TSC22D3: variants seen among roughly 807,000 people sequenced by gnomAD.
TSC22D3 encodes the protein TSC22 domain family protein 3.
In TSC22D3, 4 loss-of-function variants were observed where a neutral mutation model predicts 11.1. The ratio of observed to expected loss-of-function variants is 0.36; its 90% CI spans 0.18 to 0.83. TSC22D3 has a LOEUF of 0.83. Among genes scored for constraint, TSC22D3 ranks in the 40% least tolerant of loss-of-function variants. The probability of loss-of-function intolerance (pLI) is 0.48; values close to 1 mark genes in which losing one functional copy is unlikely to be tolerated. For missense variants in TSC22D3, 118 were observed against 159.4 expected (o/e 0.74, Z 1.40); for synonymous variants, 77 against 70.3 (o/e 1.10, Z -0.48).
intron 1 of TSC22D3, among the ~76,000 whole-genome samples, chrX:107,754,198 G>A (rs778286487): frequency 2.7e-5 from 3 of 111,066 alleles, no homozygotes; most frequent in East Asian, 2.8e-4. Context: ...GATTACAAGC[G>A]TGAGCCACCG....
At chrX:107,774,282 T>C (rs759658889) in intron 1 of TSC22D3, among the ~76,000 whole-genome samples, 5 of 111,800 alleles carry the variant, frequency 4.5e-5, no homozygotes, top group Non-Finnish European at 9.4e-5. Context: ...TGTCTCAAAC[T>C]GAAGGACAGC....
In TSC22D3 at chrX:107,720,316, G is replaced by A. The variant is rs190156924; in HGVS notation, c.321-4366C>T. 5.4e-5 allele frequency among the ~76,000 whole-genome samples: 6 copies of A among 111,746 alleles called. No individual in the cohort carries two copies. In the East Asian group the frequency reaches 1.7e-3, roughly 31 times the overall value. ...AGATGTGATCACCCTGAGACCTTAT[G>A]ATCCTCCATTAGGAAAGAATGAATG... On this transcript the variant is annotated intron_variant, in intron 1 of 2. Transcript: ENST00000372383.
chrX:107,714,826 G>T, intron 2 of TSC22D3, 77 bp from the exon 3 acceptor site: 1 of 1,005,781 alleles, frequency 9.9e-7, no homozygotes, highest in East Asian at 3.0e-5. Flanking sequence ...TCTGTCATTG[G>T]TGTGCCTGTG....
chrX:107,763,292 C>A (rs1280013075), intron 1 of TSC22D3, among the ~76,000 whole-genome samples: 2 of 111,554 alleles, frequency 1.8e-5, no homozygotes, highest in Admixed American at 1.9e-4. Flanking sequence ...TCATGTTTGC[C>A]TCCTGTTGGC....
intron 1 of TSC22D3, among the ~76,000 whole-genome samples, chrX:107,735,777 A>G (rs1475980860): frequency 9.3e-6 from 1 of 107,491 alleles, no homozygotes; most frequent in Non-Finnish European, 1.9e-5. Context: ...CACTCCTGAC[A>G]TAAGTAGCTG....
At chrX:107,752,853 C>A (rs1316729940) in intron 1 of TSC22D3, among the ~76,000 whole-genome samples, 1 of 111,742 alleles carries the variant, frequency 8.9e-6, no homozygotes, top group East Asian at 2.8e-4. Context: ...CCAGGCTCAG[C>A]AAGAGATCCC....
At chrX:107,722,370 ATC>A (rs1927379291) in intron 1 of TSC22D3, 1 of 113,221 alleles carries the variant, frequency 8.8e-6, no homozygotes, top group Non-Finnish European at 1.9e-5. Context: ...ATCACAAACA[ATC>A]TCTGAGTGAC....
At chrX:107,717,015 T>G in intron 1 of TSC22D3, 1 of 1,019,824 alleles carries the variant, frequency 9.8e-7, no homozygotes, top group Non-Finnish European at 1.2e-6. Context: ...TCGAGGGGTG[T>G]CACCTCGTAT....
intron 1 of TSC22D3, among the ~76,000 whole-genome samples, chrX:107,732,053 C>T (rs1927910106): frequency 9.0e-6 from 1 of 111,457 alleles, no homozygotes; most frequent in Admixed American, 9.4e-5. Flanking sequence ...TGGAATGGGG[C>T]CCAGAGCTCT....
chrX:107,724,177 C>T (rs995779761), intron 1 of TSC22D3, among the ~76,000 whole-genome samples: 6 of 112,697 alleles, frequency 5.3e-5, no homozygotes, highest in African/African-American at 1.9e-4. Flanking sequence ...CCAACCGCTG[C>T]CTCCCACCTT....
intron 1 of TSC22D3, among the ~76,000 whole-genome samples, chrX:107,743,008 C>A (rs1258842608): frequency 9.0e-6 from 1 of 111,592 alleles, no homozygotes; most frequent in African/African-American, 3.3e-5. Context: ...GCCCTGTGGC[C>A]GGGTGGGAAA....
chrX:107,770,048 A>C (rs367727175), intron 1 of TSC22D3, among the ~76,000 whole-genome samples: 17 of 112,554 alleles, frequency 1.5e-4, no homozygotes, highest in African/African-American at 3.9e-4. Flanking sequence ...TTGATACCAA[A>C]AGCAAAAATC....
intron 2 of TSC22D3, 46 bp from the exon 3 acceptor site, chrX:107,714,795 G>A: frequency 8.7e-7 from 1 of 1,142,932 alleles, no homozygotes; most frequent in Middle Eastern, 2.4e-4. Flanking sequence ...AGCCATCGTG[G>A]CCCCTCTGCA....
chrX:107,717,425 C>G (rs1025402433), intron 1 of TSC22D3, among the ~76,000 whole-genome samples: 1 of 112,609 alleles, frequency 8.9e-6, no homozygotes, highest in Non-Finnish European at 1.9e-5. Context: ...ATGTCATACT[C>G]CCTGGACACG....
rs1385139240 is a variant in TSC22D3 at position 107,714,578 on chromosome X, C to G, written c.544G>C (p.Glu182Gln). Residue 182 changes from glutamate to glutamine, a missense_variant, in exon 3 of 3, where the codon GAA (glutamate) becomes CAA (glutamine). Transcript: ENST00000372383. ...TGTGGGGATTCGGGAGCTGGCTCTT[C>G]AGGGCTCAGACAGGACTGGAACTTC... ...LEKFQSCLSP[E>Q]EPAPESPQVP... 1 of 1,209,969 alleles carries G rather than the reference C, an allele frequency of 8.3e-7. No individual in the cohort carries two copies. The highest frequency in any genetic ancestry group is 1.8e-5 in the African/African-American group (1 of 57,063).
chrX:107,713,688 C>T lies in TSC22D3; in HGVS notation c.*831G>A, dbSNP rs1400543255. On this transcript the variant is annotated 3_prime_UTR_variant, in exon 3 of 3. Transcript: ENST00000372383. ...TGGCCCCCCTCCTTGCCTTTACTCT[C>T]GAGTCTTACTTAACCTAAAAGACAA... 2.7e-5 allele frequency: 3 copies of T among 111,616 alleles called. No homozygotes were observed. The highest frequency in any genetic ancestry group is 1.9e-4 in the Admixed American group (2 of 10,490). 9.2% of individuals were successfully genotyped at this position (111,616 alleles called of 1,213,427 possible).
intron 1 of TSC22D3, among the ~76,000 whole-genome samples, chrX:107,771,391 C>T (rs1306344770): frequency 8.9e-6 from 1 of 111,814 alleles, no homozygotes; most frequent in South Asian, 3.7e-4. Context: ...TCGAGACCAG[C>T]CTGACTAATA....
Position 107,714,388 on chromosome X carries a change from C to A in TSC22D3, c.*131G>T. The stretch of plus-strand genomic sequence containing the variant: ...GACCCAGGTGGCCATGTCCTTAGGA[C>A]ATCTCTTGGCACCAGCTGTGCTAGG... On this transcript the variant is annotated 3_prime_UTR_variant, in exon 3 of 3. Coordinates refer to ENST00000372383, the MANE Select transcript of TSC22D3 (RefSeq NM_198057.3). The A allele has an allele frequency of 3.4e-6, 2 of 582,856 alleles. No individual in the cohort carries two copies. Among genetic ancestry groups the A allele is most frequent in the Non-Finnish European group, 2.6e-6 (1 of 379,242 alleles). The allele number at this position is 582,856 out of a possible 1,213,427, so 48.0% of individuals were successfully genotyped here.
chrX:107,759,987 C>T (rs145060365), intron 1 of TSC22D3, among the ~76,000 whole-genome samples: 1,698 of 112,594 alleles, frequency 0.015, 27 homozygotes, highest in African/African-American at 0.052. Context: ...GCAAGTGCTG[C>T]CCTCGGGATC....
Sources: gnomAD v4.1 joint callset for allele counts (sites outside exome capture counted in the v4.1 genomes callset) on GRCh38, gnomAD v4.1.1 for gene constraint, MANE v1.5 for transcripts, NCBI Gene and HGNC (gene_info 2026-07-23, HGNC 2026-07-21) for gene names.